Variants in SLC14A2 observed in about 807,000 individuals in gnomAD.
The protein encoded by SLC14A2 is solute carrier family 14 member 2.
In SLC14A2, 91 loss-of-function variants were observed where a neutral mutation model predicts 104.6. That is an observed-to-expected ratio of 0.87 (90% CI 0.73 to 1.04). SLC14A2 has a LOEUF of 1.04. SLC14A2 is among the 50% of genes least tolerant of loss of function. The pLI is 0.00. For missense variants in SLC14A2, 1,189 were observed against 1,156.0 expected (o/e 1.03, Z -0.41); for synonymous variants, 476 against 466.4 (o/e 1.02, Z -0.27).
In SLC14A2 at chr18:45,626,849, A is replaced by G. The variant is rs2045264658; in HGVS notation, c.332-109A>G. On this transcript the variant is annotated intron_variant, in intron 3 of 19. Transcript: ENST00000255226. The stretch of plus-strand genomic sequence containing the variant: ...CGACCCCTGGCCTGGCTGAATGGGA[A>G]GGGTCCTGGCTTGCACATTCCTGTT... The G allele has an allele frequency of 5.6e-6, 4 of 714,502 alleles. No individual in the cohort carries two copies. The South Asian group carries it at 6.5e-5, about 12-fold the overall frequency. 44.3% of individuals were successfully genotyped at this position (714,502 alleles called of 1,614,324 possible). A position where few individuals can be genotyped will look rare whatever the true frequency, so the allele number is the denominator to read the frequency against.
intron 1 of SLC14A2, among the ~76,000 whole-genome samples, chr18:45,325,499 T>A (rs970884523): frequency 6.6e-6 from 1 of 152,194 alleles, no homozygotes; most frequent in Admixed American, 6.5e-5. Context: ...TCGATCCTGT[T>A]CTCCAGAATT....
chr18:45,207,587 A>G, the SLC14A2 span, among the ~76,000 whole-genome samples: 1 of 152,208 alleles, frequency 6.6e-6, no homozygotes, highest in Non-Finnish European at 1.5e-5. Context: ...AATTTCAGTC[A>G]TAATACTTAA....
intron 1 of SLC14A2, among the ~76,000 whole-genome samples, chr18:45,385,637 T>C (rs537539456): frequency 6.6e-6 from 1 of 152,332 alleles, no homozygotes; most frequent in South Asian, 2.1e-4. Context: ...TTGCCACCAC[T>C]ATCTTCCTAT....
intron 1 of SLC14A2, among the ~76,000 whole-genome samples, chr18:45,287,765 G>C (rs2084829444): frequency 6.6e-6 from 1 of 152,146 alleles, no homozygotes; most frequent in African/African-American, 2.4e-5. Flanking sequence ...AGCCATTCGG[G>C]CAGCATTCTC....
chr18:45,428,165 T>C (rs2086462171), intron 1 of SLC14A2, among the ~76,000 whole-genome samples: 1 of 152,234 alleles, frequency 6.6e-6, no homozygotes, highest in African/African-American at 2.4e-5. Context: ...GCATTTCTTC[T>C]GGAAGTTATG....
intron 1 of SLC14A2, among the ~76,000 whole-genome samples, chr18:45,470,898 C>A (rs2087236164): frequency 6.6e-6 from 1 of 152,098 alleles, no homozygotes; most frequent in African/African-American, 2.4e-5. Flanking sequence ...TTCCCTTCAA[C>A]TTCTGAATTT....
At chr18:45,613,496 G>A (rs1384442750), upstream of SLC14A2, among the ~76,000 whole-genome samples, 2 of 152,206 alleles carry the variant, frequency 1.3e-5, 1 homozygote, top group Admixed American at 1.3e-4. Context: ...ATGTGGGAAA[G>A]TTTGGAACTT....
chr18:45,264,222 CTT>C (rs896072637), intron 1 of SLC14A2, among the ~76,000 whole-genome samples: 6 of 152,086 alleles, frequency 3.9e-5, no homozygotes, highest in Non-Finnish European at 7.4e-5. Flanking sequence ...TCCTATTTTC[CTT>C]TTTTGTTTTT....
At chr18:45,378,830 A>G (rs1241506747) in intron 1 of SLC14A2, among the ~76,000 whole-genome samples, 2 of 152,098 alleles carry the variant, frequency 1.3e-5, no homozygotes, top group African/African-American at 4.8e-5. Context: ...AGGTGGGTCT[A>G]GAATCCCTGA....
intron 1 of SLC14A2, among the ~76,000 whole-genome samples, chr18:45,272,496 CAT>C (rs1395158561): frequency 6.6e-6 from 1 of 152,036 alleles, no homozygotes; most frequent in African/African-American, 2.4e-5. Context: ...AGAAACATCA[CAT>C]GTTCTCACTT....
In SLC14A2 at chr18:45,414,773, T is replaced by A. The variant is rs1256491628; in HGVS notation, c.-124-68460T>A. ...AAAAAAAAAAATATATATATATATA[T>A]ATATATATATATATATATATATAGA... is the stretch of plus-strand genomic sequence containing the variant. On this transcript the variant is annotated intron_variant, in intron 1 of 20. Transcript: ENST00000586448. Among the ~76,000 whole-genome samples, 72 of 110,212 alleles carry A rather than the reference T, an allele frequency of 6.5e-4. 2 individuals carry two copies. The highest frequency in any genetic ancestry group is 8.3e-4 in the East Asian group (3 of 3,634). 72.3% of individuals were successfully genotyped at this position (110,212 alleles called of 152,430 possible). A position where few individuals can be genotyped will look rare whatever the true frequency, so the allele number is the denominator to read the frequency against.
intron 1 of SLC14A2, among the ~76,000 whole-genome samples, chr18:45,379,995 G>A (rs564053012): frequency 1.9e-3 from 289 of 152,264 alleles, no homozygotes; most frequent in African/African-American, 5.8e-3. Flanking sequence ...AGGCTCCACT[G>A]GAATCATATG....
chr18:45,355,576 T>TAAAAA (rs2085544891), intron 1 of SLC14A2, among the ~76,000 whole-genome samples: 1 of 31,516 alleles, frequency 3.2e-5, no homozygotes, highest in South Asian at 1.2e-3. Context: ...ATACTCTGTC[T>TAAAAA]CAAAAAAAAA....
intron 1 of SLC14A2, among the ~76,000 whole-genome samples, chr18:45,429,969 T>C (rs561417864): frequency 6.6e-6 from 1 of 152,314 alleles, no homozygotes; most frequent in South Asian, 2.1e-4. Flanking sequence ...GGAAACTCAA[T>C]AATATGCCCT....
chr18:45,456,210 C>G (rs892838033), intron 1 of SLC14A2, among the ~76,000 whole-genome samples: 2 of 152,052 alleles, frequency 1.3e-5, no homozygotes, highest in Non-Finnish European at 1.5e-5. Flanking sequence ...AAAATCATCC[C>G]CTGTTCAGAA....
At chr18:45,334,112 T>G (rs2085315217) in intron 1 of SLC14A2, among the ~76,000 whole-genome samples, 1 of 152,200 alleles carries the variant, frequency 6.6e-6, no homozygotes, top group African/African-American at 2.4e-5. Context: ...CCTTGAGGTG[T>G]GGGCAATGCT....
At chr18:45,282,115 A>C (rs2084768430) in intron 1 of SLC14A2, among the ~76,000 whole-genome samples, 1 of 152,078 alleles carries the variant, frequency 6.6e-6, no homozygotes, top group African/African-American at 2.4e-5. Context: ...TCACTGGGCT[A>C]ATGCAGACAA....
intron 1 of SLC14A2, among the ~76,000 whole-genome samples, chr18:45,259,695 T>C (rs1344076280): frequency 2.6e-5 from 4 of 152,152 alleles, no homozygotes; most frequent in East Asian, 1.9e-4. Flanking sequence ...ACTTTAGATA[T>C]TGAAAATGGA....
At chr18:45,377,839 C>A (rs1314003487) in intron 1 of SLC14A2, among the ~76,000 whole-genome samples, 1 of 152,144 alleles carries the variant, frequency 6.6e-6, no homozygotes, top group African/African-American at 2.4e-5. Context: ...TTGGTCTGGT[C>A]ATCCAATCCT....
Sources: gnomAD v4.1 joint callset for allele counts (sites outside exome capture counted in the v4.1 genomes callset) on GRCh38, gnomAD v4.1.1 for gene constraint, MANE v1.5 for transcripts, NCBI Gene and HGNC (gene_info 2026-07-23, HGNC 2026-07-21) for gene names.